The following ZNF837 variants were observed in gnomAD, a reference collection of about 807,000 sequenced individuals.
ZNF837 encodes the protein zinc finger protein 837.
For missense variants in ZNF837, 955 were observed against 801.7 expected (o/e 1.19, Z -2.31); for synonymous variants, 475 against 365.2 (o/e 1.30, Z -3.43).
chr19:58,375,688 C>T (rs1292675711), intron 1 of ZNF837, among the ~76,000 whole-genome samples: 1 of 151,300 alleles, frequency 6.6e-6, no homozygotes. Context: ...CCTCATGATC[C>T]GCCTGCCTCG....
At chr19:58,374,412 G>C (rs1035667943) in intron 1 of ZNF837, among the ~76,000 whole-genome samples, 2 of 152,194 alleles carry the variant, frequency 1.3e-5, no homozygotes, top group African/African-American at 4.8e-5. Flanking sequence ...AACATGGAAA[G>C]TAAAAGCAGT....
chr19:58,380,006 C>G, intron 1 of ZNF837, among the ~76,000 whole-genome samples: 1 of 130,052 alleles, frequency 7.7e-6, no homozygotes, highest in East Asian at 2.3e-4. Flanking sequence ...AAAACAACAA[C>G]AACAACAACA....
Position 58,368,648 on chromosome 19 carries a change from G to A in ZNF837, c.685C>T (p.Arg229Trp). ...TTGGGGCGGAAGCGCTTCCCGCACC[G>A]GGCACACGGACGGGGCTCCTCCGTC... Reference protein sequence around the residue: ...QATEEPRPCARCGKRFRPNQQ... With the variant: ...QATEEPRPCAWCGKRFRPNQQ... The change falls in exon 3 of 3, where the codon CGG becomes TGG. Residue 229 changes from arginine to tryptophan, a missense_variant. Transcript: ENST00000597582. 1 of 1,529,628 alleles carries A rather than the reference G, an allele frequency of 6.5e-7. No individual in the cohort carries two copies. Among genetic ancestry groups the A allele is most frequent in the Non-Finnish European group, 8.8e-7 (1 of 1,142,666 alleles). The allele number at this position is 1,529,628 out of a possible 1,614,324, so 94.8% of individuals were successfully genotyped here.
rs2052151496 is a variant in ZNF837 at position 58,367,922 on chromosome 19, C to T, written c.1411G>A (p.Gly471Ser). The T allele has an allele frequency of 5.9e-6, 9 of 1,534,354 alleles. No individual in the cohort carries two copies. Among genetic ancestry groups the T allele is most frequent in the Middle Eastern group, 1.7e-4 (1 of 5,756 alleles). ...ELRQHERLHSGEKPYICRDCG... is the reference protein window; with the variant it reads ...ELRQHERLHSSEKPYICRDCG... ...TCGCGGCAGATGTAGGGCTTCTCGC[C>T]CGAGTGCAGGCGCTCGTGCTGGCGC... The change falls in exon 3 of 3, where the codon GGC becomes AGC. Residue 471 changes from glycine to serine, a missense_variant. By Grantham distance (56) the Gly-to-Ser change is moderately conservative. Transcript: ENST00000597582.
At chr19:58,373,514 A>T (rs976208177) in intron 1 of ZNF837, among the ~76,000 whole-genome samples, 26 of 152,140 alleles carry the variant, frequency 1.7e-4, no homozygotes, top group African/African-American at 5.1e-4. Context: ...CTCAGTTACA[A>T]ACATCCCCTT....
chr19:58,369,425 C>A lies in ZNF837; in HGVS notation c.-29-64G>T, dbSNP rs917196962. 2.3e-6 allele frequency: 3 copies of A among 1,280,902 alleles called. No individual in the cohort carries two copies. The African/African-American group carries it at 4.7e-5, about 20-fold the overall frequency. The allele number at this position is 1,280,902 out of a possible 1,614,324, so 79.3% of individuals were successfully genotyped here. A position where few individuals can be genotyped will look rare whatever the true frequency, so the allele number is the denominator to read the frequency against. ...AGGAGGAGAGAAGTGGAGAACTGGG[C>A]CAACGAGCGACCACCCCACAGCTGG... is the stretch of plus-strand genomic sequence containing the variant. On this transcript the variant is annotated intron_variant, in intron 2 of 2. Transcript: ENST00000597582.
chr19:58,371,467 C>T (rs1373025021), intron 1 of ZNF837, among the ~76,000 whole-genome samples: 1 of 152,174 alleles, frequency 6.6e-6, no homozygotes, highest in Non-Finnish European at 1.5e-5. Context: ...GTTTCTCAGC[C>T]TCACACGTGA....
intron 1 of ZNF837, among the ~76,000 whole-genome samples, chr19:58,379,993 CT>C (rs2052276772): frequency 8.9e-6 from 1 of 112,716 alleles, no homozygotes; most frequent in South Asian, 3.2e-4. Flanking sequence ...GAAACTCCGT[CT>C]CAAAACAACA....
chr19:58,380,029 G>T (rs34447110), intron 1 of ZNF837, among the ~76,000 whole-genome samples: 1 of 66,420 alleles, frequency 1.5e-5, no homozygotes. Flanking sequence ...AACAAAAACA[G>T]AATGTGCAGG....
Position 58,379,089 on chromosome 19 carries a change from G to A in ZNF837, c.-140+1852C>T, listed in dbSNP as rs146362597. On this transcript the variant is annotated intron_variant, in intron 1 of 2. Coordinates refer to ENST00000597582, the MANE Select transcript of ZNF837 (RefSeq NM_138466.2). ...TAATAGAGACTGGTCTAGCACCCTC[G>A]ACAGAATGTGTGTGTTGTAAGGGGC... 9.7e-4 allele frequency among the ~76,000 whole-genome samples: 148 copies of A among 152,300 alleles called. 4 individuals carry two copies. The East Asian group carries it at 0.02, about 20-fold the overall frequency.
At chr19:58,377,563 G>A (rs1174604397) in intron 1 of ZNF837, among the ~76,000 whole-genome samples, 1 of 152,104 alleles carries the variant, frequency 6.6e-6, no homozygotes, top group African/African-American at 2.4e-5. Context: ...GCTTGAGCCT[G>A]GGAGATTGAG....
intron 1 of ZNF837, among the ~76,000 whole-genome samples, chr19:58,376,165 T>C (rs1182753839): frequency 2.0e-5 from 3 of 152,082 alleles, no homozygotes; most frequent in Non-Finnish European, 2.9e-5. Flanking sequence ...GTGATCCCCC[T>C]GCCTCAGCTT....
At chr19:58,369,431 A>T in intron 2 of ZNF837, 70 bp from the exon 3 acceptor site, 2 of 1,261,026 alleles carry the variant, frequency 1.6e-6, no homozygotes, top group Non-Finnish European at 2.0e-6. Context: ...TGGGCCAACG[A>T]GCGACCACCC....
At position 58,368,946 on chromosome 19, in the gene ZNF837, G is replaced by A. The variant is rs1462992923; in HGVS notation, c.387C>T (p.Cys129=). ...CGGGCGCCCCGCGATGCCACGCCAG[G>A]CAGGAGTTCCTGCTGCAGTCCCCGC... is the stretch of plus-strand genomic sequence containing the variant. ...ARGGDCSRNS[C]LAWHRGAPAG... The change falls in exon 3 of 3, where the codon TGC becomes TGT. Residue 129 remains cysteine, a synonymous_variant. Transcript: ENST00000597582. 1.9e-6 allele frequency: 3 copies of A among 1,543,028 alleles called. No homozygotes were observed. The highest frequency in any genetic ancestry group is 1.2e-5 in the South Asian group (1 of 83,712).
intron 1 of ZNF837, among the ~76,000 whole-genome samples, chr19:58,376,844 C>G (rs950728958): frequency 1.3e-5 from 2 of 151,300 alleles, no homozygotes; most frequent in African/African-American, 4.9e-5. Flanking sequence ...CTTTGTGAAG[C>G]CAAGGTGGGT....
Position 58,367,831 on chromosome 19 carries a change from C to G in ZNF837, c.1502G>C (p.Arg501Pro), listed in dbSNP as rs1432672278. Residue 501 changes from arginine (R) to proline (P), a missense_variant, in exon 3 of 3, where the codon CGG (arginine) becomes CCG (proline). By Grantham distance (103) the Arg-to-Pro change is moderately radical (BLOSUM62 -2). Coordinates refer to ENST00000597582, the MANE Select transcript of ZNF837 (RefSeq NM_138466.2). Reference sequence around the variant, plus strand: ...GCCGCAATCTCCGCACGCGTAGGGCCGCTCGCCCGTGTGCGTGCGCAGGTG... The same window carrying G: ...GCCGCAATCTCCGCACGCGTAGGGCGGCTCGCCCGTGTGCGTGCGCAGGTG... ...VRHLRTHTGE[R>P]PYACGDCGRA... 9 of 1,534,158 alleles carry G rather than the reference C, an allele frequency of 5.9e-6. No individual in the cohort carries two copies. Among genetic ancestry groups the G allele is most frequent in the East Asian group, 2.5e-5 (1 of 40,628 alleles).
At position 58,368,932 on chromosome 19, in the gene ZNF837, C is replaced by T. The variant is rs758902809; in HGVS notation, c.401G>A (p.Arg134His). 51 of 1,545,064 alleles carry T rather than the reference C, an allele frequency of 3.3e-5. No individual in the cohort carries two copies. The highest frequency in any genetic ancestry group is 7.9e-5 in the Admixed American group (4 of 50,730). The change falls in exon 3 of 3, where the codon CGC (arginine) becomes CAC (histidine). Residue 134 changes from arginine (R) to histidine (H), a missense_variant. Transcript: ENST00000597582. ...TGGCGTCTCCCCAGCGGGCGCCCCGCGATGCCACGCCAGGCAGGAGTTCCT... is the reference window on the plus strand; with the variant it reads ...TGGCGTCTCCCCAGCGGGCGCCCCGTGATGCCACGCCAGGCAGGAGTTCCT... ...CSRNSCLAWHRGAPAGETPPV... is the reference protein window; with the variant it reads ...CSRNSCLAWHHGAPAGETPPV...
At chr19:58,377,927 G>A (rs148567408) in intron 1 of ZNF837, among the ~76,000 whole-genome samples, 233 of 152,282 alleles carry the variant, frequency 1.5e-3, no homozygotes, top group African/African-American at 5.5e-3. Flanking sequence ...TCTCTCTCTC[G>A]AGTCCATCTG....
intron 1 of ZNF837, among the ~76,000 whole-genome samples, chr19:58,376,588 A>AAAAAG (rs2052249327): frequency 8.2e-6 from 1 of 121,948 alleles, no homozygotes; most frequent in African/African-American, 3.1e-5. Context: ...AAAAAAAAAA[A>AAAAAG]AAAGAAAGAA....
Sources: allele counts gnomAD v4.1 joint callset (sites outside exome capture counted in the v4.1 genomes callset), GRCh38; gene constraint gnomAD v4.1.1; transcripts MANE v1.5; gene names NCBI Gene and HGNC (gene_info 2026-07-23, HGNC 2026-07-21).